SMURF1: variants seen among roughly 807,000 people sequenced by gnomAD.
SMURF1 encodes the protein SMAD specific E3 ubiquitin protein ligase 1, also known as E3 ubiquitin-protein ligase SMURF1.
Under a neutral mutation model 98.0 loss-of-function variants are expected in SMURF1, and 44 were observed. The observed-to-expected ratio is 0.45, with a 90% CI of 0.35 to 0.58. The LOEUF is 0.58. Among genes scored for constraint, SMURF1 ranks in the 20% least tolerant of loss-of-function variants. The pLI is 0.00. For synonymous variants in SMURF1, 396 were observed against 374.9 expected (o/e 1.06, Z -0.65); for missense variants, 687 against 938.4 (o/e 0.73, Z 3.50).
At chr7:99,086,235 A>G (rs1490822205) in intron 1 of SMURF1, among the ~76,000 whole-genome samples, 2 of 152,136 alleles carry the variant, frequency 1.3e-5, no homozygotes, top group African/African-American at 4.8e-5. Flanking sequence ...AATCCCAGCT[A>G]TTCGGGAGGC....
chr7:99,103,814 T>G (rs1797139497), intron 1 of SMURF1, among the ~76,000 whole-genome samples: 1 of 152,118 alleles, frequency 6.6e-6, no homozygotes, highest in African/African-American at 2.4e-5. Flanking sequence ...AGAAAATTCA[T>G]ATATTGATGG....
intron 1 of SMURF1, among the ~76,000 whole-genome samples, chr7:99,126,972 G>GT (rs1797759447): frequency 1.7e-4 from 1 of 5,802 alleles, no homozygotes; most frequent in Non-Finnish European, 4.4e-3. Flanking sequence ...CTGAGCAGGG[G>GT]CCGGGGGGAA....
At chr7:99,118,889 G>A (rs926755651) in intron 1 of SMURF1, among the ~76,000 whole-genome samples, 1 of 151,604 alleles carries the variant, frequency 6.6e-6, no homozygotes, top group Non-Finnish European at 1.5e-5. Flanking sequence ...TTTAGACAGG[G>A]TCTTGCCCTG....
At position 99,139,776 on chromosome 7, in the gene SMURF1, A is replaced by G. The variant is rs140781739; in HGVS notation, c.55+3950T>C. 6.2e-3 allele frequency among the ~76,000 whole-genome samples: 949 copies of G among 152,334 alleles called. 7 individuals carry two copies. Among genetic ancestry groups the G allele is most frequent in the Admixed American group, 0.018 (272 of 15,302 alleles). ...TTTCCTACTAAAATACCACAAAAACATTCGTTAAAATGTTATTATTTTAAA... is the reference window on the plus strand; with the variant it reads ...TTTCCTACTAAAATACCACAAAAACGTTCGTTAAAATGTTATTATTTTAAA... On this transcript the variant is annotated intron_variant, in intron 1 of 17. Coordinates refer to ENST00000361368, the MANE Select transcript of SMURF1 (RefSeq NM_181349.3).
At chr7:99,051,284 A>G in intron 8 of SMURF1, 73 bp downstream of exon 8, 1 of 1,167,278 alleles carries the variant, frequency 8.6e-7, no homozygotes, top group South Asian at 1.2e-5. Context: ...AGAGCAACAC[A>G]TCTGGAAGGT....
intron 1 of SMURF1, among the ~76,000 whole-genome samples, chr7:99,083,371 A>G (rs1381691446): frequency 1.3e-5 from 2 of 152,242 alleles, no homozygotes; most frequent in African/African-American, 4.8e-5. Flanking sequence ...TTAGATAATA[A>G]TGATTTACTT....
At chr7:99,132,235 A>G (rs1174006428) in intron 1 of SMURF1, among the ~76,000 whole-genome samples, 1 of 152,218 alleles carries the variant, frequency 6.6e-6, no homozygotes, top group East Asian at 1.9e-4. Context: ...AGAAGTGGCT[A>G]TGAACGCAAT....
intron 1 of SMURF1, among the ~76,000 whole-genome samples, chr7:99,143,479 G>T (rs550857622): frequency 2.1e-5 from 3 of 142,216 alleles, no homozygotes. Context: ...GAGATGCGAG[G>T]GGGCAGGTGC....
intron 1 of SMURF1, among the ~76,000 whole-genome samples, chr7:99,130,979 G>A (rs1465285046): frequency 6.6e-6 from 1 of 152,216 alleles, no homozygotes; most frequent in African/African-American, 2.4e-5. Context: ...CTGAGCTGTT[G>A]AAGAAGCAGA....
At position 99,038,462 on chromosome 7, in the gene SMURF1, C is replaced by A; in HGVS notation, c.1614G>T (p.Arg538=). 1.1e-5 allele frequency: 18 copies of A among 1,614,258 alleles called. No individual in the cohort carries two copies. The highest frequency in any genetic ancestry group is 1.5e-5 in the Non-Finnish European group (18 of 1,180,050). The change falls in exon 14 of 18, where the codon CGG becomes CGT. Residue 538 remains arginine, a synonymous_variant. Coordinates refer to ENST00000361368, the MANE Select transcript of SMURF1 (RefSeq NM_181349.3). ...TFCVEHNAFG[R]ILQHELKPNG... The stretch of plus-strand genomic sequence containing the variant: ...TGGGTTTCAGTTCATGCTGCAGGAT[C>A]CGCCCGAAGGCGTTGTGTTCCACGC...
In SMURF1 at chr7:99,035,651, G is replaced by C; in HGVS notation, c.1875C>G (p.His625Gln). Residue 625 changes from histidine (H) to glutamine (Q), a missense_variant, in exon 16 of 18, where the codon CAC becomes CAG. By Grantham distance (24) the His-to-Gln change is conservative (BLOSUM62 0). Around this residue, in one of 2 missense-constraint regions of SMURF1, gnomAD observed 272 missense variants for 430.0 expected, o/e 0.63. Transcript: ENST00000361368. ...GCACGATGTTGCTGTCGGCCACACA[G>C]TGCTTCAGCCGCGTGTTCGACTTCC... Reference protein sequence around the residue: ...NDWKSNTRLKHCVADSNIVRW... With the variant: ...NDWKSNTRLKQCVADSNIVRW... 6.2e-7 allele frequency: 1 copy of C among 1,614,238 alleles called. No individual in the cohort carries two copies. The highest frequency in any genetic ancestry group is 8.5e-7 in the Non-Finnish European group (1 of 1,180,032).
chr7:99,055,136 C>T (rs1795849672), intron 5 of SMURF1, among the ~76,000 whole-genome samples: 2 of 152,064 alleles, frequency 1.3e-5, no homozygotes, highest in South Asian at 4.2e-4. Flanking sequence ...AATATTCAGT[C>T]CCTCTAAGTT....
chr7:99,032,036 G>A (rs1170040496), intron 17 of SMURF1, among the ~76,000 whole-genome samples: 1 of 152,236 alleles, frequency 6.6e-6, no homozygotes, highest in Non-Finnish European at 1.5e-5. Context: ...TGTGTCATAA[G>A]CAGGATTCCA....
intron 17 of SMURF1, 42 bp downstream of exon 17, chr7:99,032,994 TG>T: frequency 1.3e-6 from 2 of 1,582,294 alleles, no homozygotes; most frequent in Non-Finnish European, 1.7e-6. Context: ...CAGCATCCTC[TG>T]GGGCTCCCAG....
At chr7:99,043,659 T>A (rs1795466045) in intron 11 of SMURF1, among the ~76,000 whole-genome samples, 1 of 152,184 alleles carries the variant, frequency 6.6e-6, no homozygotes, top group South Asian at 2.1e-4. Flanking sequence ...GTAAAATTCA[T>A]TCATTTGGCA....
chr7:99,075,269 G>A (rs943881089), intron 1 of SMURF1, among the ~76,000 whole-genome samples: 6 of 152,078 alleles, frequency 3.9e-5, no homozygotes, highest in Non-Finnish European at 7.4e-5. Context: ...ACAGGCATGC[G>A]CCACCAAGCC....
At chr7:99,037,307 G>A (rs199744530) in intron 14 of SMURF1, 120 bp from the exon 15 acceptor site, 57 of 1,249,394 alleles carry the variant, frequency 4.6e-5, no homozygotes, top group East Asian at 4.5e-4. Flanking sequence ...GCTCAATCTC[G>A]GCTCACTGCA....
At chr7:99,059,955 T>C (rs1343834347) in intron 3 of SMURF1, among the ~76,000 whole-genome samples, 8 of 151,926 alleles carry the variant, frequency 5.3e-5, no homozygotes. Flanking sequence ...ACAACTAGGT[T>C]TAGGGTTTTG....
At chr7:99,038,756 G>A (rs1795256067) in intron 13 of SMURF1, among the ~76,000 whole-genome samples, 1 of 152,134 alleles carries the variant, frequency 6.6e-6, no homozygotes, top group African/African-American at 2.4e-5. Flanking sequence ...TAGAAGGCGG[G>A]CAGCAGGTTG....
Sources: allele counts gnomAD v4.1 joint callset (sites outside exome capture counted in the v4.1 genomes callset), GRCh38; gene constraint gnomAD v4.1.1; regional missense constraint gnomAD v4.1.1; transcripts MANE v1.5; gene names NCBI Gene and HGNC (gene_info 2026-07-23, HGNC 2026-07-21).